CAP2: variants seen among roughly 807,000 people sequenced by gnomAD.
CAP2 encodes adenylyl cyclase-associated protein 2.
Under a neutral mutation model 57.7 loss-of-function variants are expected in CAP2, and 24 were observed. The ratio of observed to expected loss-of-function variants is 0.42; its 90% CI spans 0.30 to 0.58. The LOEUF is 0.58. Among genes scored for constraint, CAP2 ranks in the 20% least tolerant of loss-of-function variants. The pLI is 0.22. For synonymous variants in CAP2, 194 were observed against 207.2 expected (o/e 0.94, Z 0.55); for missense variants, 501 against 590.3 (o/e 0.85, Z 1.57).
intron 4 of CAP2, among the ~76,000 whole-genome samples, chr6:17,499,777 G>A (rs1295135150): frequency 1.3e-5 from 2 of 151,816 alleles, no homozygotes; most frequent in Non-Finnish European, 2.9e-5. Flanking sequence ...CTTGAGCCTG[G>A]GAGATTGAGG....
chr6:17,516,700 G>A (rs1181321483), intron 7 of CAP2, among the ~76,000 whole-genome samples: 2 of 152,196 alleles, frequency 1.3e-5, no homozygotes, highest in Non-Finnish European at 1.5e-5. Flanking sequence ...TGTCCTGAAA[G>A]CAGTACCCCA....
chr6:17,535,279 T>TC (rs1463304336), intron 7 of CAP2, among the ~76,000 whole-genome samples: 1 of 151,572 alleles, frequency 6.6e-6, no homozygotes, highest in Non-Finnish European at 1.5e-5. Flanking sequence ...AATGACTTTT[T>TC]TTTTTTTTTT....
At chr6:17,424,079 T>G (rs1759515733) in intron 2 of CAP2, among the ~76,000 whole-genome samples, 1 of 152,236 alleles carries the variant, frequency 6.6e-6, no homozygotes, top group Non-Finnish European at 1.5e-5. Context: ...AAAGTTATTT[T>G]TTTTTTAATT....
intron 1 of CAP2, among the ~76,000 whole-genome samples, chr6:17,414,409 C>T (rs1262944457): frequency 2.0e-5 from 3 of 152,068 alleles, no homozygotes; most frequent in Admixed American, 6.6e-5. Context: ...CCCCTCAGTC[C>T]CCATCCCCCA....
intron 4 of CAP2, among the ~76,000 whole-genome samples, chr6:17,478,499 T>G (rs933614273): frequency 6.6e-6 from 1 of 152,038 alleles, no homozygotes; most frequent in Non-Finnish European, 1.5e-5. Context: ...ATTATAAATA[T>G]CCCTTTTCGT....
At chr6:17,465,012 G>T (rs191254419) in intron 4 of CAP2, among the ~76,000 whole-genome samples, 1 of 152,232 alleles carries the variant, frequency 6.6e-6, no homozygotes, top group East Asian at 1.9e-4. Flanking sequence ...AGACAAAAAA[G>T]CCACTCACTA....
chr6:17,508,287 C>T (rs1399173463), intron 6 of CAP2, among the ~76,000 whole-genome samples: 26 of 152,090 alleles, frequency 1.7e-4, no homozygotes, highest in Admixed American at 1.7e-3. Context: ...AGGGGCTTTG[C>T]CTGGTGAACC....
intron 1 of CAP2, among the ~76,000 whole-genome samples, chr6:17,415,274 G>T (rs572624374): frequency 6.6e-6 from 1 of 152,282 alleles, no homozygotes; most frequent in African/African-American, 2.4e-5. Flanking sequence ...TCTCTTACTT[G>T]TTTTGTGAAC....
chr6:17,419,259 TA>T (rs1211574456), intron 1 of CAP2, among the ~76,000 whole-genome samples: 2 of 152,170 alleles, frequency 1.3e-5, no homozygotes, highest in African/African-American at 4.8e-5. Flanking sequence ...AGCAGAAACA[TA>T]AAATATTTAT....
intron 4 of CAP2, among the ~76,000 whole-genome samples, chr6:17,485,439 A>G (rs146836981): frequency 0.015 from 2,243 of 152,250 alleles, 58 homozygotes; most frequent in African/African-American, 0.05. Context: ...GGCTTTCCCC[A>G]GCTTGGTAAC....
At chr6:17,397,694 C>CAAAAAAAAAAAAAA (rs554131865) in intron 1 of CAP2, among the ~76,000 whole-genome samples, 1 of 70,604 alleles carries the variant, frequency 1.4e-5, no homozygotes, top group African/African-American at 5.0e-5. Flanking sequence ...GACTCCATAT[C>CAAAAAAAAAAAAAA]AAAAAAAAAA....
chr6:17,526,750 G>A (rs1418943786), intron 7 of CAP2, among the ~76,000 whole-genome samples: 2 of 151,936 alleles, frequency 1.3e-5, no homozygotes, highest in South Asian at 2.1e-4. Context: ...CTGAGGTCAG[G>A]AGTTCGAGAC....
At chr6:17,416,233 A>G in intron 1 of CAP2, among the ~76,000 whole-genome samples, 1 of 151,290 alleles carries the variant, frequency 6.6e-6, no homozygotes, top group Non-Finnish European at 1.5e-5. Context: ...AAATAAGGCT[A>G]TACTGACCTG....
At chr6:17,545,359 T>G (rs1763015882) in intron 11 of CAP2, among the ~76,000 whole-genome samples, 1 of 152,104 alleles carries the variant, frequency 6.6e-6, no homozygotes, top group Admixed American at 6.5e-5. Context: ...ACATCACATC[T>G]GAAATACACA....
At chr6:17,439,312 A>C (rs866396261) in intron 3 of CAP2, among the ~76,000 whole-genome samples, 1 of 148,796 alleles carries the variant, frequency 6.7e-6, no homozygotes, top group Non-Finnish European at 1.5e-5. Flanking sequence ...TAATCAGTCC[A>C]TTTCCCCCAT....
At chr6:17,481,256 G>T (rs1195100475) in intron 4 of CAP2, among the ~76,000 whole-genome samples, 1 of 151,982 alleles carries the variant, frequency 6.6e-6, no homozygotes, top group Admixed American at 6.6e-5. Context: ...AGTCGTTCTT[G>T]CTTTTTCTTT....
chr6:17,496,062 T>G (rs1761664170), intron 4 of CAP2, among the ~76,000 whole-genome samples: 1 of 143,648 alleles, frequency 7.0e-6, no homozygotes, highest in Admixed American at 7.3e-5. Flanking sequence ...AACAGGCTGC[T>G]TTACCTCTGT....
chr6:17,505,071 T>G (rs1404352306), intron 4 of CAP2, among the ~76,000 whole-genome samples: 1 of 152,202 alleles, frequency 6.6e-6, no homozygotes, highest in Non-Finnish European at 1.5e-5. Flanking sequence ...TAATAATTAC[T>G]TCTATTTATT....
Position 17,540,995 on chromosome 6 carries a change from C to T in CAP2, c.849C>T (p.Asp283=). 1 of 1,613,868 alleles carries T rather than the reference C, an allele frequency of 6.2e-7. No homozygotes were observed. Among genetic ancestry groups the T allele is most frequent in the Non-Finnish European group, 8.5e-7 (1 of 1,179,842 alleles). The change falls in exon 9 of 13, where the codon GAC becomes GAT. Residue 283 remains aspartate, a synonymous_variant. Transcript: ENST00000229922. ...ITKGLRHVTD[D]QKTYKNPSLR... The stretch of plus-strand genomic sequence containing the variant: ...TAGGGCTCCGCCATGTCACAGATGA[C>T]CAGAAGACATACAAAAATCCCAGCC...
Sources: allele counts gnomAD v4.1 joint callset (sites outside exome capture counted in the v4.1 genomes callset), GRCh38; gene constraint gnomAD v4.1.1; transcripts MANE v1.5; gene names NCBI Gene and HGNC (gene_info 2026-07-23, HGNC 2026-07-21).